Variants in NAV3 observed in about 807,000 individuals in gnomAD.
NAV3 encodes pore membrane and/or filament interacting like protein 1.
In NAV3, 87 loss-of-function variants were observed where a neutral mutation model predicts 244.7. The ratio of observed to expected loss-of-function variants is 0.36; its 90% CI spans 0.30 to 0.42. The LOEUF (loss-of-function observed/expected upper bound fraction) is 0.42. Among genes scored for constraint, NAV3 ranks in the 20% least tolerant of loss-of-function variants. NAV3 has a pLI of 1.00. For missense variants in NAV3, 2,663 were observed against 2,893.3 expected (o/e 0.92, Z 1.83); for synonymous variants, 1,126 against 1,042.2 (o/e 1.08, Z -1.55).
intron 39 of NAV3, among the ~76,000 whole-genome samples, chr12:78,207,524 C>A (rs568346100): frequency 6.6e-6 from 1 of 152,052 alleles, no homozygotes; most frequent in South Asian, 2.1e-4. Context: ...ATTGTGAGTT[C>A]ATTGAGGAAG....
rs1404600624 is a variant in NAV3, at chr12:77,933,210, T to C, written c.244-7109T>C. Among the ~76,000 whole-genome samples the C allele has an allele frequency of 9.8e-5, 15 of 152,314 alleles. 1 individual carries two copies. The Middle Eastern group carries it at 0.01, about 104-fold the overall frequency. ...GATTTGCATTTTAAAGCAATCACTA[T>C]CTGTAGTGTATAGAATAGTATAATG... On this transcript the variant is annotated intron_variant, in intron 1 of 39. Coordinates refer to ENST00000397909, the MANE Select transcript of NAV3 (RefSeq NM_001024383.2).
At chr12:77,778,565 T>C (rs1870501770) in intron 2 of NAV3, among the ~76,000 whole-genome samples, 1 of 142,886 alleles carries the variant, frequency 7.0e-6, no homozygotes, top group African/African-American at 2.7e-5. Flanking sequence ...TGAACTGAGA[T>C]CGCGCCACTG....
intron 2 of NAV3, among the ~76,000 whole-genome samples, chr12:77,593,597 G>A (rs1307366870): frequency 6.8e-6 from 1 of 147,728 alleles, no homozygotes; most frequent in Non-Finnish European, 1.5e-5. Flanking sequence ...TTACAGGTGC[G>A]TGCCACCATG....
chr12:77,858,423 A>G (rs1018549329), intron 1 of NAV3, among the ~76,000 whole-genome samples: 2 of 152,118 alleles, frequency 1.3e-5, no homozygotes, highest in Non-Finnish European at 2.9e-5. Flanking sequence ...ACAATGCCTC[A>G]GGTTCTCAGG....
At chr12:77,880,794 T>C (rs1882535789) in intron 1 of NAV3, among the ~76,000 whole-genome samples, 1 of 152,156 alleles carries the variant, frequency 6.6e-6, no homozygotes, top group Admixed American at 6.5e-5. Flanking sequence ...ATAAGAACGA[T>C]AGCACATGTC....
chr12:77,726,539 A>G (rs1876885906), intron 2 of NAV3, among the ~76,000 whole-genome samples: 1 of 151,864 alleles, frequency 6.6e-6, no homozygotes. Flanking sequence ...TGGGCATGAC[A>G]GTGGAGACAG....
chr12:78,117,032 A>G, intron 13 of NAV3, 128 bp downstream of exon 13: 1 of 1,100,928 alleles, frequency 9.1e-7, no homozygotes, highest in Non-Finnish European at 1.3e-6. Flanking sequence ...AAATGCAGAG[A>G]TAATAAGGAC....
chr12:77,797,439 T>A (rs921333915), intron 2 of NAV3, among the ~76,000 whole-genome samples: 3 of 151,956 alleles, frequency 2.0e-5, no homozygotes, highest in Non-Finnish European at 2.9e-5. Context: ...TAGATTTTAT[T>A]ATATATTTTG....
At chr12:78,067,312 G>A (rs1444497129) in intron 12 of NAV3, among the ~76,000 whole-genome samples, 2 of 152,032 alleles carry the variant, frequency 1.3e-5, no homozygotes, top group Non-Finnish European at 2.9e-5. Flanking sequence ...AAGAGACAAA[G>A]TAAATATAAT....
intron 8 of NAV3, among the ~76,000 whole-genome samples, chr12:78,020,282 C>T (rs1196624305): frequency 6.6e-6 from 1 of 152,094 alleles, no homozygotes; most frequent in Admixed American, 6.6e-5. Flanking sequence ...AAGGAATGGG[C>T]TGCTGTTCTA....
intron 2 of NAV3, among the ~76,000 whole-genome samples, chr12:77,713,318 G>A (rs543466586): frequency 5.3e-5 from 8 of 152,264 alleles, no homozygotes; most frequent in African/African-American, 1.9e-4. Flanking sequence ...CTAAAGTATG[G>A]TGTAAGCAGA....
At chr12:77,707,565 G>C (rs896257272) in intron 2 of NAV3, among the ~76,000 whole-genome samples, 1 of 152,126 alleles carries the variant, frequency 6.6e-6, no homozygotes, top group Non-Finnish European at 1.5e-5. Context: ...ATAATCCTTT[G>C]GGTATATGCC....
intron 8 of NAV3, among the ~76,000 whole-genome samples, chr12:78,021,445 G>A (rs965342601): frequency 6.6e-6 from 1 of 151,854 alleles, no homozygotes; most frequent in Non-Finnish European, 1.5e-5. Flanking sequence ...CTCTAAAATA[G>A]CAAAAGAAGT....
intron 2 of NAV3, among the ~76,000 whole-genome samples, chr12:77,700,690 T>A (rs1241274018): frequency 2.0e-5 from 3 of 152,084 alleles, no homozygotes; most frequent in Non-Finnish European, 4.4e-5. Flanking sequence ...TATAGGTTTT[T>A]AATGAATGTT....
At chr12:78,049,882 T>C in intron 9 of NAV3, 111 bp from the exon 10 acceptor site, 1 of 638,916 alleles carries the variant, frequency 1.6e-6, no homozygotes, top group Non-Finnish European at 2.7e-6. Context: ...ATTTGAAATG[T>C]ATTACATATC....
chr12:77,663,045 T>C (rs1256412733), intron 2 of NAV3, among the ~76,000 whole-genome samples: 1 of 152,216 alleles, frequency 6.6e-6, no homozygotes, highest in African/African-American at 2.4e-5. Context: ...AATACATCTA[T>C]TTAATTTTCA....
chr12:77,904,486 G>A (rs1451312300), intron 1 of NAV3, among the ~76,000 whole-genome samples: 2 of 152,120 alleles, frequency 1.3e-5, no homozygotes, highest in African/African-American at 2.4e-5. Context: ...ACACACTGGG[G>A]CCTGTCATGG....
At chr12:78,043,039 C>T (rs985060571) in intron 9 of NAV3, among the ~76,000 whole-genome samples, 14 of 151,952 alleles carry the variant, frequency 9.2e-5, no homozygotes, top group African/African-American at 3.1e-4. Context: ...CCCATCAACC[C>T]GTCATCTACA....
intron 2 of NAV3, among the ~76,000 whole-genome samples, chr12:77,636,206 C>T (rs1341377164): frequency 4.6e-5 from 7 of 152,078 alleles, no homozygotes; most frequent in Non-Finnish European, 1.0e-4. Context: ...TGGCTCATGC[C>T]TGTAATCACA....
Sources: allele counts gnomAD v4.1 joint callset (sites outside exome capture counted in the v4.1 genomes callset), GRCh38; gene constraint gnomAD v4.1.1; transcripts MANE v1.5; gene names NCBI Gene and HGNC (gene_info 2026-07-23, HGNC 2026-07-21).